The following ANKRD28 variants were observed in gnomAD, a reference collection of about 807,000 sequenced individuals.
ANKRD28 encodes serine/threonine-protein phosphatase 6 regulatory ankyrin repeat subunit A.
In ANKRD28, 44 loss-of-function variants were observed where a neutral mutation model predicts 126.5. That is an observed-to-expected ratio of 0.35 (90% CI 0.27 to 0.45). The LOEUF (loss-of-function observed/expected upper bound fraction) is 0.45. ANKRD28 is among the 20% of genes least tolerant of loss of function. ANKRD28 has a pLI of 1.00. For synonymous variants in ANKRD28, 442 were observed against 468.5 expected (o/e 0.94, Z 0.73); for missense variants, 1,110 against 1,316.6 (o/e 0.84, Z 2.43).
chr3:15,695,044 C>T (rs961152011), intron 16 of ANKRD28, 144 bp downstream of exon 16: 1 of 767,532 alleles, frequency 1.3e-6, no homozygotes, highest in African/African-American at 1.8e-5. Flanking sequence ...TCTTCCTTTC[C>T]TCTGTACACA....
chr3:15,796,642 G>GTTT lies in ANKRD28; in HGVS notation c.-122_-121insAAA. ...AAACATTCTCTGAACAGCACAGCTG[G>GTTT]GTTTTTTTTTTTTTTAAAGTTAATA... On this transcript the variant is annotated 5_prime_UTR_variant, in exon 1 of 28. Transcript: ENST00000683139. The GTTT allele has an allele frequency of 1.4e-6, 1 of 698,714 alleles. No homozygotes were observed. Among genetic ancestry groups the GTTT allele is most frequent in the Non-Finnish European group, 1.7e-6 (1 of 585,664 alleles). The allele number at this position is 698,714 out of a possible 1,614,324, so 43.3% of individuals were successfully genotyped here. A position where few individuals can be genotyped will look rare whatever the true frequency, so the allele number is the denominator to read the frequency against.
chr3:15,801,530 C>T (rs548026374), upstream of ANKRD28, among the ~76,000 whole-genome samples: 15 of 152,220 alleles, frequency 9.9e-5, no homozygotes, highest in African/African-American at 3.1e-4. The surrounding 1 kb of genome is among the most constrained non-coding windows in gnomAD (Gnocchi z 4.9). Context: ...GAAGTGGGTT[C>T]AAACAATGTT....
chr3:15,838,748 CAA>C lies in ANKRD28; in HGVS notation c.27+20627_27+20628del, dbSNP rs200759198. 7.3e-4 allele frequency among the ~76,000 whole-genome samples: 99 copies of C among 136,062 alleles called. No homozygotes were observed. The highest frequency in any genetic ancestry group is 8.1e-4 in the Non-Finnish European group (52 of 64,002). The allele number at this position is 136,062 out of a possible 152,430, so 89.3% of individuals were successfully genotyped here. On this transcript the variant is annotated intron_variant, in intron 1 of 27. Transcript: ENST00000399451. The surrounding 1 kb of genome is among the most constrained non-coding windows in gnomAD (Gnocchi z 4.0). The stretch of plus-strand genomic sequence containing the variant: ...GGGCAACAAGAACGAAACTCCGTCT[CAA>C]AAAAAAAAAAAAATCTTCGCAAGAG...
chr3:15,685,663 A>G (rs936911219), intron 20 of ANKRD28, among the ~76,000 whole-genome samples: 1 of 152,218 alleles, frequency 6.6e-6, no homozygotes, highest in Admixed American at 6.5e-5. Context: ...TGAAAACAGG[A>G]AGAGAGAAAC....
chr3:15,829,488 T>C (rs2061143315), intron 1 of ANKRD28, among the ~76,000 whole-genome samples: 1 of 152,170 alleles, frequency 6.6e-6, no homozygotes. Flanking sequence ...TGAATGAGCT[T>C]TTAGTACTTT....
At chr3:15,748,257 T>C (rs2057616263) in intron 4 of ANKRD28, among the ~76,000 whole-genome samples, 1 of 152,196 alleles carries the variant, frequency 6.6e-6, no homozygotes, top group African/African-American at 2.4e-5. Context: ...AATACCTTTT[T>C]TTAAAAATCA....
At chr3:15,676,750 C>A in intron 26 of ANKRD28, 1 of 383,860 alleles carries the variant, frequency 2.6e-6, no homozygotes, top group East Asian at 4.8e-5. Context: ...GAAAAAAATA[C>A]ATTATTGTCA....
intron 2 of ANKRD28, among the ~76,000 whole-genome samples, chr3:15,767,482 T>C (rs1439106488): frequency 6.6e-6 from 1 of 152,044 alleles, no homozygotes; most frequent in African/African-American, 2.4e-5. Flanking sequence ...CTGGCCTCCC[T>C]TGAAGTTGTT....
intron 1 of ANKRD28, among the ~76,000 whole-genome samples, chr3:15,848,358 G>A (rs1048761634): frequency 6.6e-6 from 1 of 152,136 alleles, no homozygotes; most frequent in Non-Finnish European, 1.5e-5. Flanking sequence ...GTGCAAGACA[G>A]GGGCTATTTA....
intron 27 of ANKRD28, among the ~76,000 whole-genome samples, chr3:15,674,196 A>AAAAAAAAAAAAAAAAAAAAAG (rs1470515364): frequency 7.7e-6 from 1 of 130,082 alleles, no homozygotes; most frequent in Admixed American, 7.8e-5. Context: ...AAAAAAAAAA[A>AAAAAAAAAAAAAAAAAAAAAG]AAGAAGAAGA....
chr3:15,705,749 C>G (rs2071265740), intron 14 of ANKRD28, among the ~76,000 whole-genome samples: 1 of 152,172 alleles, frequency 6.6e-6, no homozygotes, highest in Admixed American at 6.6e-5. Flanking sequence ...CTCCTGTAAT[C>G]CCAGCATTTT....
At chr3:15,803,560 T>A in intron 1 of ANKRD28, among the ~76,000 whole-genome samples, 1 of 148,634 alleles carries the variant, frequency 6.7e-6, no homozygotes, top group East Asian at 2.0e-4. Context: ...GAGGCTGTAA[T>A]GAGCTGAGAT....
In ANKRD28 at chr3:15,721,044, T is replaced by C. The variant is rs982806617; in HGVS notation, c.867A>G (p.Ile289Met). ...NGQDVVVNEL[I>M]DCGAIVNQKN... ...TTTGATTCACAATAGCACCACAGTC[T>C]ATAAGTTCATTCACTACAACATCTT... The change falls in exon 8 of 28, where the codon ATA becomes ATG. Residue 289 changes from isoleucine to methionine, a missense_variant. Ile to Met is a conservative substitution (Grantham distance 10). Transcript: ENST00000683139. 3 of 1,613,896 alleles carry C rather than the reference T, an allele frequency of 1.9e-6. No individual in the cohort carries two copies. Among genetic ancestry groups the C allele is most frequent in the African/African-American group, 2.7e-5 (2 of 75,038 alleles).
At chr3:15,766,571 C>T (rs2058748595) in intron 2 of ANKRD28, among the ~76,000 whole-genome samples, 1 of 151,850 alleles carries the variant, frequency 6.6e-6, no homozygotes, top group African/African-American at 2.4e-5. Context: ...CATATAGTTC[C>T]AGCTAGGAGA....
chr3:15,670,677 A>G, intron 27 of ANKRD28, 121 bp from the exon 28 acceptor site: 1 of 1,046,736 alleles, frequency 9.6e-7, no homozygotes, highest in Non-Finnish European at 1.4e-6. Flanking sequence ...CTTATAATAA[A>G]TTGCTGTAAC....
At chr3:15,705,600 A>G (rs2071244170) in intron 14 of ANKRD28, among the ~76,000 whole-genome samples, 1 of 152,236 alleles carries the variant, frequency 6.6e-6, no homozygotes, top group Admixed American at 6.5e-5. Context: ...GTTTACCAAA[A>G]TATTTTCTGA....
intron 14 of ANKRD28, among the ~76,000 whole-genome samples, chr3:15,700,091 C>T (rs567355241): frequency 6.6e-6 from 1 of 152,270 alleles, no homozygotes; most frequent in Non-Finnish European, 1.5e-5. Context: ...TGCAGGGACA[C>T]AGATGAAGCT....
chr3:15,829,852 G>T (rs1267101116), intron 1 of ANKRD28, among the ~76,000 whole-genome samples: 1 of 150,810 alleles, frequency 6.6e-6, no homozygotes, highest in Non-Finnish European at 1.5e-5. Context: ...TCCTTTTCAA[G>T]GAATATTTTC....
intron 14 of ANKRD28, among the ~76,000 whole-genome samples, chr3:15,701,947 A>C (rs568001207): frequency 1.3e-5 from 2 of 151,838 alleles, no homozygotes; most frequent in African/African-American, 4.8e-5. Context: ...ATTTAAAAAA[A>C]ATCTTTAATC....
Sources: gnomAD v4.1 joint callset for allele counts (sites outside exome capture counted in the v4.1 genomes callset) on GRCh38, gnomAD v4.1.1 for gene constraint, Gnocchi (gnomAD v3.1) non-coding constraint, MANE v1.5 for transcripts, NCBI Gene and HGNC (gene_info 2026-07-23, HGNC 2026-07-21) for gene names.